POLN: variants seen among roughly 807,000 people sequenced by gnomAD.
POLN encodes the protein DNA polymerase N.
Under a neutral mutation model 113.5 loss-of-function variants are expected in POLN, and 108 were observed. The observed-to-expected ratio is 0.95, with a 90% CI of 0.81 to 1.12. The LOEUF is 1.12. Ranked by LOEUF, POLN falls within the 50% of genes most tolerant of loss-of-function variation. The pLI is 0.00. For missense variants in POLN, 1,097 were observed against 1,077.1 expected, an observed-to-expected ratio of 1.02 and a Z score of -0.26; for synonymous variants, 386 against 391.5, an observed-to-expected ratio of 0.99 and a Z score of 0.17.
At chr4:2,123,538 T>C (rs2108720657) in intron 19 of POLN, among the ~76,000 whole-genome samples, 1 of 147,106 alleles carries the variant, frequency 6.8e-6, no homozygotes, top group East Asian at 2.0e-4. Context: ...GAGGCAGGAA[T>C]CGCTTGATCC....
At chr4:2,075,857 G>A (rs1176681139) in intron 23 of POLN, among the ~76,000 whole-genome samples, 1 of 152,198 alleles carries the variant, frequency 6.6e-6, no homozygotes, top group African/African-American at 2.4e-5. Flanking sequence ...CAACCAGCAG[G>A]AGGGGCTGGG....
chr4:2,153,662 C>T (rs1011280858), intron 16 of POLN, among the ~76,000 whole-genome samples: 2 of 151,742 alleles, frequency 1.3e-5, no homozygotes, highest in Non-Finnish European at 2.9e-5. Context: ...CAGCTCACTG[C>T]AAGCTCTGCT....
intron 20 of POLN, among the ~76,000 whole-genome samples, chr4:2,091,820 G>A (rs934598338): frequency 2.0e-5 from 3 of 147,784 alleles, no homozygotes; most frequent in Non-Finnish European, 3.0e-5. Context: ...ACAATTTGAC[G>A]TTTAGCAGGG....
At chr4:2,214,886 C>T (rs1333561541) in intron 3 of POLN, among the ~76,000 whole-genome samples, 1 of 151,092 alleles carries the variant, frequency 6.6e-6, no homozygotes, top group African/African-American at 2.4e-5. Context: ...CACATATACA[C>T]ATACATATAC....
intron 19 of POLN, among the ~76,000 whole-genome samples, chr4:2,099,428 C>T (rs1353784811): frequency 6.6e-6 from 1 of 152,230 alleles, no homozygotes; most frequent in African/African-American, 2.4e-5. Context: ...TCCCTCAAAC[C>T]CCAAATCCCA....
intron 2 of POLN, chr4:2,232,280 C>A: frequency 2.0e-6 from 1 of 506,410 alleles, no homozygotes; most frequent in Non-Finnish European, 3.4e-6. Flanking sequence ...GCAATTTTAG[C>A]AATAAATAAA....
intron 3 of POLN, among the ~76,000 whole-genome samples, chr4:2,216,964 G>A (rs148572763): frequency 2.8e-4 from 42 of 152,314 alleles, no homozygotes; most frequent in African/African-American, 5.8e-4. Context: ...CAGCATGGGC[G>A]CAGCAGATGG....
chr4:2,238,750 T>C (rs767067523), intron 2 of POLN: 1 of 1,613,838 alleles, frequency 6.2e-7, no homozygotes, highest in Non-Finnish European at 8.5e-7. Context: ...GTTGACGATA[T>C]ATGTCCCGAT....
At chr4:2,241,987 G>A (rs1052240114) in intron 1 of POLN, 64 bp downstream of exon 1, 7 of 985,554 alleles carry the variant, frequency 7.1e-6, no homozygotes, top group Middle Eastern at 5.2e-4. Flanking sequence ...GGTGCAGACG[G>A]GGATCGCGGC....
chr4:2,080,012 C>A (rs1307014566), intron 23 of POLN: 6 of 985,434 alleles, frequency 6.1e-6, no homozygotes, highest in Admixed American at 6.1e-5. Flanking sequence ...TAGACCCCCA[C>A]GGGACTGTCG....
Position 2,095,877 on chromosome 4 carries a change from A to AC in POLN, c.2038dup (p.Val680GlyfsTer73). 6.2e-7 allele frequency: 1 copy of AC among 1,613,698 alleles called. No individual in the cohort carries two copies. The highest frequency in any genetic ancestry group is 8.5e-7 in the Non-Finnish European group (1 of 1,179,954). On this transcript the variant is annotated frameshift_variant, in exon 20 of 26. Coordinates refer to ENST00000511885, the MANE Select transcript of POLN (RefSeq NM_181808.4). LOFTEE classifies it high-confidence loss of function. Reference sequence around the variant, plus strand: ...TGCTCCATAGACCACCGCGTACACCACCTTCTTGGTTTGCTCTCTGTCTGC... The same window carrying AC: ...TGCTCCATAGACCACCGCGTACACCACCCTTCTTGGTTTGCTCTCTGTCTGC...
chr4:2,229,119 G>C lies in POLN; in HGVS notation c.113C>G (p.Thr38Ser), dbSNP rs1734486842. 1 of 1,607,470 alleles carries C rather than the reference G, an allele frequency of 6.2e-7. No homozygotes were observed. Among genetic ancestry groups the C allele is most frequent in the African/African-American group, 1.3e-5 (1 of 74,754 alleles). Residue 38 changes from threonine (T) to serine (S), a missense_variant, in exon 3 of 26, where the codon ACT becomes AGT. Thr to Ser is a moderately conservative substitution (Grantham distance 58). Coordinates refer to ENST00000511885, the MANE Select transcript of POLN (RefSeq NM_181808.4). ...MHSGDLVDSK[T>S]WGKSTETMEV... is the part of the protein sequence containing the mutation. ...CTTACTCTCTGTACTCTTTCCCCAA[G>C]TCTTAGAATCCACTAAATCACCTGA...
At chr4:2,236,364 T>A in intron 2 of POLN, 4 of 1,613,136 alleles carry the variant, frequency 2.5e-6, no homozygotes, top group Non-Finnish European at 3.4e-6. Flanking sequence ...TAAAGAAATA[T>A]TCTGTTTCAA....
intron 19 of POLN, among the ~76,000 whole-genome samples, chr4:2,104,582 C>T (rs1027070267): frequency 6.6e-6 from 1 of 152,168 alleles, no homozygotes; most frequent in African/African-American, 2.4e-5. Flanking sequence ...CCCAAACCTC[C>T]CCCAGTAAAC....
intron 7 of POLN, among the ~76,000 whole-genome samples, chr4:2,182,702 A>G (rs757181323): frequency 6.6e-6 from 1 of 152,232 alleles, no homozygotes; most frequent in Non-Finnish European, 1.5e-5. Context: ...CAGAGAGAAT[A>G]TGATTAAACT....
chr4:2,133,213 G>T (rs925165732), intron 16 of POLN, among the ~76,000 whole-genome samples: 8 of 151,480 alleles, frequency 5.3e-5, no homozygotes, highest in African/African-American at 1.9e-4. Flanking sequence ...ATATACTGTT[G>T]GTGGGAAAGT....
At chr4:2,115,156 C>A (rs1731284885) in intron 19 of POLN, among the ~76,000 whole-genome samples, 1 of 151,344 alleles carries the variant, frequency 6.6e-6, no homozygotes, top group African/African-American at 2.4e-5. Flanking sequence ...TTCCAGCAAT[C>A]TCCTGCCTCA....
At chr4:2,146,116 C>T (rs996069678) in intron 16 of POLN, among the ~76,000 whole-genome samples, 2 of 151,478 alleles carry the variant, frequency 1.3e-5, no homozygotes, top group African/African-American at 4.9e-5. Flanking sequence ...AATAAATGCA[C>T]GCATTAAAAT....
chr4:2,171,456 G>C (rs937577388), intron 11 of POLN, among the ~76,000 whole-genome samples: 2 of 151,136 alleles, frequency 1.3e-5, no homozygotes, highest in African/African-American at 4.9e-5. Context: ...AGCTGCTTGG[G>C]AGGCTGAGGT....
Sources: allele counts gnomAD v4.1 joint callset (sites outside exome capture counted in the v4.1 genomes callset), GRCh38; gene constraint gnomAD v4.1.1; transcripts MANE v1.5; gene names NCBI Gene and HGNC (gene_info 2026-07-23, HGNC 2026-07-21).